Variants in MAP4 observed in about 807,000 individuals in gnomAD.
MAP4 encodes the protein microtubule-associated protein 4.
MAP4 carries 76 observed loss-of-function variants against 170.2 expected under a neutral mutation model. That is an observed-to-expected ratio of 0.45 (90% CI 0.37 to 0.54). MAP4 has a LOEUF of 0.54. Ranked by LOEUF, MAP4 falls within the 20% of genes least tolerant of loss-of-function variation. MAP4 has a pLI of 0.00. For synonymous variants in MAP4, 909 were observed against 994.5 expected, an observed-to-expected ratio of 0.91 and a Z score of 1.62; for missense variants, 2,506 against 2,748.0, an observed-to-expected ratio of 0.91 and a Z score of 1.97.
chr3:48,038,587 A>G (rs2100120031), intron 1 of MAP4, among the ~76,000 whole-genome samples: 1 of 151,574 alleles, frequency 6.6e-6, no homozygotes, highest in South Asian at 2.1e-4. Flanking sequence ...CAGCCTCCCA[A>G]GCAGCGGGGA....
At chr3:48,042,470 C>T (rs1429098153) in intron 1 of MAP4, among the ~76,000 whole-genome samples, 2 of 152,024 alleles carry the variant, frequency 1.3e-5, no homozygotes, top group African/African-American at 2.4e-5. Flanking sequence ...TAAAAATGAA[C>T]AAAGAATCTG....
At chr3:47,877,173 G>T in intron 11 of MAP4, 1 of 369,610 alleles carries the variant, frequency 2.7e-6, no homozygotes, top group East Asian at 5.9e-5. Context: ...CACCATGCCC[G>T]GCCTCTACAG....
chr3:47,873,066 G>A (rs1239555321), intron 12 of MAP4, among the ~76,000 whole-genome samples: 2 of 152,144 alleles, frequency 1.3e-5, no homozygotes, highest in African/African-American at 4.8e-5. Flanking sequence ...TAGAATGGAG[G>A]GTGATGAAGG....
chr3:47,949,293 C>T (rs1236264484), intron 3 of MAP4, among the ~76,000 whole-genome samples: 1 of 151,812 alleles, frequency 6.6e-6, no homozygotes, highest in Non-Finnish European at 1.5e-5. Context: ...TGGTGAAACC[C>T]CGTCTCTACT....
chr3:47,925,672 A>C (rs902660152), intron 4 of MAP4, among the ~76,000 whole-genome samples: 1 of 152,202 alleles, frequency 6.6e-6, no homozygotes, highest in Admixed American at 6.5e-5. Flanking sequence ...GTCCAATCTA[A>C]GCAAATTTAT....
At position 47,928,134 on chromosome 3, in the gene MAP4, TAAGCTA is replaced by T; in HGVS notation, c.415+88_415+93del. On this transcript the variant is annotated intron_variant, in intron 4 of 20. Transcript: ENST00000683076. ...AAGGTTGTACTTTGTGATCTATACT[TAAGCTA>T]AAGCATTTTCATCTGAATGGTGGTT... The T allele has an allele frequency of 2.0e-6, 3 of 1,485,688 alleles. No homozygotes were observed. The Admixed American group carries it at 5.4e-5, about 27-fold the overall frequency. 92.0% of individuals were successfully genotyped at this position (1,485,688 alleles called of 1,614,324 possible). A position where few individuals can be genotyped will look rare whatever the true frequency, so the allele number is the denominator to read the frequency against.
chr3:48,038,300 A>G (rs1364450145), intron 1 of MAP4, among the ~76,000 whole-genome samples: 4 of 151,976 alleles, frequency 2.6e-5, no homozygotes, highest in African/African-American at 9.7e-5. Flanking sequence ...AAAGAAAAAT[A>G]TGTGTTTTTC....
At chr3:47,930,151 AAAAC>A (rs1004747293) in intron 3 of MAP4, among the ~76,000 whole-genome samples, 4 of 149,082 alleles carry the variant, frequency 2.7e-5, no homozygotes, top group African/African-American at 9.9e-5. Flanking sequence ...ACCAAACAAA[AAAAC>A]AAAAGACAGG....
intron 17 of MAP4, among the ~76,000 whole-genome samples, chr3:47,866,003 AAAG>A (rs1205192427): frequency 6.6e-6 from 1 of 152,174 alleles, no homozygotes; most frequent in Non-Finnish European, 1.5e-5. Context: ...AGCAAGACAA[AAAG>A]AAGGATGTTT....
At chr3:48,024,959 C>CA (rs1553726818) in intron 1 of MAP4, among the ~76,000 whole-genome samples, 2 of 145,640 alleles carry the variant, frequency 1.4e-5, no homozygotes, top group Non-Finnish European at 3.0e-5. Flanking sequence ...ATTTCTTTTT[C>CA]TTTTTTTTTT....
intron 3 of MAP4, among the ~76,000 whole-genome samples, chr3:47,929,136 T>A (rs563829159): frequency 6.6e-6 from 1 of 152,162 alleles, no homozygotes; most frequent in South Asian, 2.1e-4. Context: ...GGCAGCTCAC[T>A]TTGAGGTCAG....
chr3:47,930,117 T>A (rs1187219146), intron 3 of MAP4, among the ~76,000 whole-genome samples: 1 of 149,846 alleles, frequency 6.7e-6, no homozygotes, highest in East Asian at 2.0e-4. Flanking sequence ...GGCAACAGAG[T>A]GAGACTGCGT....
At chr3:47,930,614 T>C (rs1293892520) in intron 3 of MAP4, among the ~76,000 whole-genome samples, 1 of 152,090 alleles carries the variant, frequency 6.6e-6, no homozygotes, top group Non-Finnish European at 1.5e-5. Context: ...TACAATACAA[T>C]TATAAGATAA....
intron 10 of MAP4, among the ~76,000 whole-genome samples, chr3:47,887,603 G>A (rs911894642): frequency 5.3e-5 from 8 of 152,332 alleles, no homozygotes; most frequent in South Asian, 2.1e-4. Context: ...GCACCACGGC[G>A]CAGGACTGGC....
At chr3:48,059,938 A>C (rs1361762061) in intron 1 of MAP4, among the ~76,000 whole-genome samples, 1 of 150,202 alleles carries the variant, frequency 6.7e-6, no homozygotes, top group African/African-American at 2.4e-5. Flanking sequence ...GTGCCACTGC[A>C]CTCTGGCCTG....
chr3:47,908,873 T>C (rs988064035), intron 9 of MAP4, among the ~76,000 whole-genome samples, 165 bp downstream of exon 9: 1 of 152,132 alleles, frequency 6.6e-6, no homozygotes, highest in Admixed American at 6.5e-5. Context: ...AAGGAACACA[T>C]TGGCTGCAGA....
At chr3:48,077,820 C>CATT (rs1362379470) in intron 1 of MAP4, among the ~76,000 whole-genome samples, 2 of 151,964 alleles carry the variant, frequency 1.3e-5, no homozygotes, top group African/African-American at 4.8e-5. Flanking sequence ...AAACAAAATG[C>CATT]ATTATATCCA....
At chr3:47,853,002 G>T in intron 20 of MAP4, 64 bp from the exon 21 acceptor site, 1 of 1,614,232 alleles carries the variant, frequency 6.2e-7, no homozygotes. Flanking sequence ...GAACACGGGG[G>T]AGACGGAAGA....
At chr3:48,052,514 G>A (rs558879913) in intron 1 of MAP4, among the ~76,000 whole-genome samples, 33 of 152,240 alleles carry the variant, frequency 2.2e-4, no homozygotes, top group South Asian at 1.7e-3. Flanking sequence ...GAGCCACCGC[G>A]TCCTGCCTGA....
Sources: allele counts gnomAD v4.1 joint callset (sites outside exome capture counted in the v4.1 genomes callset), GRCh38; gene constraint gnomAD v4.1.1; transcripts MANE v1.5; gene names NCBI Gene and HGNC (gene_info 2026-07-23, HGNC 2026-07-21).